ARHGAP11A: variants seen among roughly 807,000 people sequenced by gnomAD.
ARHGAP11A encodes the protein rho GTPase-activating protein 11A.
ARHGAP11A carries 36 observed loss-of-function variants against 60.5 expected under a neutral mutation model. The ratio of observed to expected loss-of-function variants is 0.59; its 90% CI spans 0.46 to 0.79. The LOEUF (loss-of-function observed/expected upper bound fraction) is 0.79. ARHGAP11A is among the 30% of genes least tolerant of loss of function. The pLI, the probability that ARHGAP11A is intolerant of heterozygous loss-of-function variation, is 0.00. For synonymous variants in ARHGAP11A, 362 were observed against 415.5 expected, an observed-to-expected ratio of 0.87 and a Z score of 1.57; for missense variants, 1,071 against 1,199.2, an observed-to-expected ratio of 0.89 and a Z score of 1.58.
intron 1 of ARHGAP11A, among the ~76,000 whole-genome samples, chr15:32,617,629 A>C (rs2053190328): frequency 2.0e-5 from 3 of 151,118 alleles, no homozygotes; most frequent in Non-Finnish European, 4.4e-5. Context: ...CCGCCACCAC[A>C]CCTGGCTAAT....
intron 2 of ARHGAP11A, 45 bp from the exon 3 acceptor site, chr15:32,623,447 G>C (rs780012017): frequency 7.7e-6 from 12 of 1,552,374 alleles, no homozygotes; most frequent in Non-Finnish European, 1.1e-5. Context: ...AGAGGAATAG[G>C]ATGTGATATG....
chr15:32,625,847 A>G (rs1036354002), intron 6 of ARHGAP11A, among the ~76,000 whole-genome samples: 16 of 152,268 alleles, frequency 1.1e-4, no homozygotes, highest in Non-Finnish European at 1.9e-4. Flanking sequence ...TTAAAAGGAG[A>G]AAAGTTCCCT....
At position 32,636,869 on chromosome 15, in the gene ARHGAP11A, ATGAAAAAGACATTCAT is replaced by A; in HGVS notation, c.2098_2113del (p.Glu700GlnfsTer8). The A allele has an allele frequency of 2.5e-6, 4 of 1,612,818 alleles. No homozygotes were observed. Among genetic ancestry groups the A allele is most frequent in the Non-Finnish European group, 3.4e-6 (4 of 1,179,702 alleles). ...TATTCAACTCAGATGAAGATGGAAC[ATGAAAAAGACATTCAT>A]TCAAATATGCCAAAAGATTATTTAA... On this transcript the variant is annotated frameshift_variant, in exon 12 of 12. Transcript: ENST00000361627. LOFTEE classifies it low-confidence loss of function (END_TRUNC).
chr15:32,622,490 C>T (rs1483468976), intron 2 of ARHGAP11A, among the ~76,000 whole-genome samples: 3 of 152,072 alleles, frequency 2.0e-5, no homozygotes, highest in Non-Finnish European at 4.4e-5. Flanking sequence ...GGAATCATGA[C>T]TATATCTTCA....
At chr15:32,627,672 T>C (rs963288748) in intron 6 of ARHGAP11A, among the ~76,000 whole-genome samples, 8 of 152,118 alleles carry the variant, frequency 5.3e-5, no homozygotes, top group African/African-American at 1.9e-4. Flanking sequence ...GAGGTTGTAG[T>C]TGGCTGAGAT....
At chr15:32,622,102 T>A (rs897724855) in intron 2 of ARHGAP11A, among the ~76,000 whole-genome samples, 6 of 152,310 alleles carry the variant, frequency 3.9e-5, no homozygotes, top group Middle Eastern at 3.2e-3. Context: ...AAGGCTTGAT[T>A]TTCTTATAAT....
chr15:32,628,761 C>G lies in ARHGAP11A; in HGVS notation c.896C>G (p.Pro299Arg), dbSNP rs1385705767. Residue 299 changes from proline to arginine, a missense_variant, in exon 7 of 12, where the codon CCT becomes CGT. Physicochemically the swap from Pro to Arg is moderately radical, Grantham distance 103. This residue lies in a region of ARHGAP11A where 196 missense variants were observed against 272.1 expected (regional missense o/e 0.72). Transcript: ENST00000361627. Reference protein sequence around the residue: ...FVSGALNKFKPNRTPSITPQE... With the variant: ...FVSGALNKFKRNRTPSITPQE... ...AGTGGAGCACTAAATAAATTTAAAC[C>G]TAACAGAACACCTTCTATTACACCT... 8 of 1,569,034 alleles carry G rather than the reference C, an allele frequency of 5.1e-6. No individual in the cohort carries two copies. The highest frequency in any genetic ancestry group is 6.9e-6 in the Non-Finnish European group (8 of 1,166,916).
chr15:32,617,534 C>A (rs1344978147), intron 1 of ARHGAP11A, among the ~76,000 whole-genome samples: 1 of 140,934 alleles, frequency 7.1e-6, no homozygotes, highest in Non-Finnish European at 1.5e-5. Flanking sequence ...TGCAGTGGCG[C>A]GATCTTGGCT....
chr15:32,624,553 A>G, intron 4 of ARHGAP11A, 127 bp downstream of exon 4: 2 of 1,438,434 alleles, frequency 1.4e-6, no homozygotes, highest in South Asian at 1.4e-5. Context: ...TTTCATTACT[A>G]TGAGGAGTAT....
In ARHGAP11A at chr15:32,637,184, A is replaced by G; in HGVS notation, c.2411A>G (p.His804Arg). The change falls in exon 12 of 12, where the codon CAT becomes CGT. Residue 804 changes from histidine to arginine, a missense_variant. His to Arg is a conservative substitution (Grantham distance 29). Coordinates refer to ENST00000361627, the MANE Select transcript of ARHGAP11A (RefSeq NM_014783.6). The part of the protein sequence containing the change: ...TVSESSQMTE[H>R]RKVSDHIQWF... The stretch of plus-strand genomic sequence containing the variant: ...TCTGAAAGTTCACAAATGACAGAAC[A>G]TAGAAAGGTTTCTGATCACATACAG... The G allele has an allele frequency of 6.2e-7, 1 of 1,614,192 alleles. No homozygotes were observed. Among genetic ancestry groups the G allele is most frequent in the Non-Finnish European group, 8.5e-7 (1 of 1,180,022 alleles).
rs1440082172 is a variant in ARHGAP11A at position 32,639,872 on chromosome 15, G to A, written c.*2027G>A. On this transcript the variant is annotated 3_prime_UTR_variant, in exon 12 of 12. Coordinates refer to ENST00000361627, the MANE Select transcript of ARHGAP11A (RefSeq NM_014783.6). ...ATATTTGAGGAAATGATATGAAAGT[G>A]TCTGGACGTGCAGTAACCTCATGGG... is the stretch of plus-strand genomic sequence containing the variant. 1 of 151,306 alleles carries A rather than the reference G, an allele frequency of 6.6e-6. No homozygotes were observed. Among genetic ancestry groups the A allele is most frequent in the Non-Finnish European group, 1.5e-5 (1 of 67,570 alleles). 9.4% of individuals were successfully genotyped at this position (151,306 alleles called of 1,614,324 possible).
rs1293639077 is a variant in ARHGAP11A, at chr15:32,637,010, G to A, written c.2237G>A (p.Gly746Asp). The A allele has an allele frequency of 6.2e-7, 1 of 1,612,128 alleles. No individual in the cohort carries two copies. Among genetic ancestry groups the A allele is most frequent in the African/African-American group, 1.3e-5 (1 of 74,778 alleles). The stretch of plus-strand genomic sequence containing the variant: ...AAAGAGAATGAGAATATGATGGAAG[G>A]TAACTTACCGAAGTGTGCAGCACAT... ...KLKENENMMEGNLPKCAAHSK... is the reference protein window; with the variant it reads ...KLKENENMMEDNLPKCAAHSK... Residue 746 changes from glycine (G) to aspartate (D), a missense_variant, in exon 12 of 12, where the codon GGT becomes GAT. By Grantham distance (94) the Gly-to-Asp change is moderately conservative (BLOSUM62 -1). Coordinates refer to ENST00000361627, the MANE Select transcript of ARHGAP11A (RefSeq NM_014783.6).
chr15:32,637,912 G>A lies in ARHGAP11A; in HGVS notation c.*67G>A, dbSNP rs1183057268. On this transcript the variant is annotated 3_prime_UTR_variant, in exon 12 of 12. Coordinates refer to ENST00000361627, the MANE Select transcript of ARHGAP11A (RefSeq NM_014783.6). Reference sequence around the variant, plus strand: ...TAATTGGTATGACTTGCAGGATGATGTACATGTTAGTTTGTAGCTCAGGAT... The same window carrying A: ...TAATTGGTATGACTTGCAGGATGATATACATGTTAGTTTGTAGCTCAGGAT... The A allele has an allele frequency of 7.6e-7, 1 of 1,310,224 alleles. No individual in the cohort carries two copies. Among genetic ancestry groups the A allele is most frequent in the African/African-American group, 1.5e-5 (1 of 67,032 alleles). The allele number at this position is 1,310,224 out of a possible 1,614,324, so 81.2% of individuals were successfully genotyped here.
At chr15:32,635,146 C>T (rs891295751) in intron 10 of ARHGAP11A, among the ~76,000 whole-genome samples, 3 of 152,214 alleles carry the variant, frequency 2.0e-5, no homozygotes, top group African/African-American at 7.2e-5. Flanking sequence ...CTGAGCTCTC[C>T]TCCAGTCCCC....
At chr15:32,628,112 G>T (rs1383944302) in intron 6 of ARHGAP11A, among the ~76,000 whole-genome samples, 1 of 152,176 alleles carries the variant, frequency 6.6e-6, no homozygotes, top group Non-Finnish European at 1.5e-5. Context: ...ACCTGGCCAA[G>T]GCTTACATTT....
At position 32,623,685 on chromosome 15, in the gene ARHGAP11A, A is replaced by G. The variant is rs1271825165; in HGVS notation, c.297+97A>G. Reference sequence around the variant, plus strand: ...TTAGAACTATTAATATGAATAGTTGACAGAAATTGAATTTGCATTTTTTTC... The same window carrying G: ...TTAGAACTATTAATATGAATAGTTGGCAGAAATTGAATTTGCATTTTTTTC... On this transcript the variant is annotated intron_variant, in intron 3 of 11. Coordinates refer to ENST00000361627, the MANE Select transcript of ARHGAP11A (RefSeq NM_014783.6). 4.7e-6 allele frequency: 5 copies of G among 1,056,834 alleles called. No homozygotes were observed. In the African/African-American group the frequency reaches 6.7e-5, roughly 14 times the overall value. 65.5% of individuals were successfully genotyped at this position (1,056,834 alleles called of 1,614,324 possible).
At chr15:32,616,413 T>G (rs2053148213) in intron 1 of ARHGAP11A, 73 bp downstream of exon 1, 1 of 1,598,508 alleles carries the variant, frequency 6.3e-7, no homozygotes, top group African/African-American at 1.3e-5. Context: ...TACCAGATCG[T>G]GCTAAAATGT....
At chr15:32,620,207 G>A (rs1209498666) in intron 2 of ARHGAP11A, 29 bp downstream of exon 2, 9 of 1,600,674 alleles carry the variant, frequency 5.6e-6, no homozygotes, top group Admixed American at 1.8e-5. Context: ...GAAGAAGGCC[G>A]GGTGCAGTGG....
At position 32,628,719 on chromosome 15, in the gene ARHGAP11A, G is replaced by C. The variant is rs757164039; in HGVS notation, c.863-9G>C. The C allele has an allele frequency of 7.6e-5, 119 of 1,561,658 alleles. No individual in the cohort carries two copies. Among genetic ancestry groups the C allele is most frequent in the Middle Eastern group, 5.0e-4 (3 of 5,958 alleles). On this transcript the variant is annotated splice_polypyrimidine_tract_variant and intron_variant, in intron 6 of 11. Coordinates refer to ENST00000361627, the MANE Select transcript of ARHGAP11A (RefSeq NM_014783.6). ...GTGAAGTTGTAATTGCTTATGCCTT[G>C]CATTTCAGATTTTGTTAGTGGAGCA...
Sources: allele counts gnomAD v4.1 joint callset (sites outside exome capture counted in the v4.1 genomes callset), GRCh38; gene constraint gnomAD v4.1.1; regional missense constraint gnomAD v4.1.1; transcripts MANE v1.5; gene names NCBI Gene and HGNC (gene_info 2026-07-23, HGNC 2026-07-21).